The following RIMS1 variants were observed in gnomAD, a reference collection of about 807,000 sequenced individuals.
RIMS1 encodes regulating synaptic membrane exocytosis protein 1.
In RIMS1, 83 loss-of-function variants were observed where a neutral mutation model predicts 214.1. The observed-to-expected ratio is 0.39, with a 90% confidence interval of 0.32 to 0.47. The LOEUF is 0.47. RIMS1 is among the 20% of genes least tolerant of loss of function. RIMS1 has a pLI of 0.99. For missense variants in RIMS1, 2,050 were observed against 2,161.8 expected, an observed-to-expected ratio of 0.95 and a Z score of 1.03; for synonymous variants, 793 against 786.8, an observed-to-expected ratio of 1.01 and a Z score of -0.13.
intron 6 of RIMS1, among the ~76,000 whole-genome samples, chr6:72,220,394 C>A (rs556801547): frequency 1.3e-5 from 2 of 152,044 alleles, no homozygotes; most frequent in African/African-American, 4.8e-5. Flanking sequence ...GTGTGTGGAT[C>A]CCCTAAATGT....
intron 2 of RIMS1, among the ~76,000 whole-genome samples, chr6:72,005,789 C>T (rs1292590624): frequency 1.3e-5 from 2 of 152,160 alleles, no homozygotes; most frequent in East Asian, 3.9e-4. Context: ...TTTGATCTCT[C>T]CTGACATGGG....
At chr6:72,243,915 A>G (rs2068143718) in intron 10 of RIMS1, among the ~76,000 whole-genome samples, 1 of 151,544 alleles carries the variant, frequency 6.6e-6, no homozygotes, top group Non-Finnish European at 1.5e-5. Context: ...GGTAGTATCA[A>G]CTTTCTTTCT....
intron 2 of RIMS1, among the ~76,000 whole-genome samples, chr6:72,006,952 T>C (rs1243956412): frequency 1.3e-5 from 2 of 152,222 alleles, no homozygotes; most frequent in Non-Finnish European, 2.9e-5. Flanking sequence ...TAAATGTCCC[T>C]GTCTGACAGC....
At chr6:72,292,269 G>C (rs774808830) in intron 26 of RIMS1, among the ~76,000 whole-genome samples, 1 of 151,938 alleles carries the variant, frequency 6.6e-6, no homozygotes, top group Admixed American at 6.6e-5. Flanking sequence ...AATTTTAGAT[G>C]GTCATTTAAC....
chr6:71,930,313 A>G (rs1782673944), intron 1 of RIMS1, among the ~76,000 whole-genome samples: 1 of 152,066 alleles, frequency 6.6e-6, no homozygotes, highest in Non-Finnish European at 1.5e-5. Context: ...TTCCATCTTA[A>G]TTTATTTTAG....
At chr6:72,026,465 C>CG (rs1816544312) in intron 2 of RIMS1, among the ~76,000 whole-genome samples, 1 of 115,504 alleles carries the variant, frequency 8.7e-6, no homozygotes, top group Non-Finnish European at 1.9e-5. Context: ...GCCCCCCCCC[C>CG]CAACTTTTTT....
At chr6:72,074,763 A>G (rs918600665) in intron 2 of RIMS1, among the ~76,000 whole-genome samples, 6 of 152,146 alleles carry the variant, frequency 3.9e-5, no homozygotes, top group African/African-American at 1.4e-4. Context: ...AAGTATGTGT[A>G]TTGTTTCTGC....
At chr6:72,036,212 T>G (rs1311860346) in intron 2 of RIMS1, among the ~76,000 whole-genome samples, 1 of 152,150 alleles carries the variant, frequency 6.6e-6, no homozygotes, top group African/African-American at 2.4e-5. Context: ...GACCTATTAC[T>G]TGTTGTTCTT....
intron 2 of RIMS1, among the ~76,000 whole-genome samples, chr6:72,087,536 A>G (rs1834973219): frequency 6.6e-6 from 1 of 152,178 alleles, no homozygotes. Flanking sequence ...CTAAAGGTTG[A>G]CTAACTTTAT....
intron 1 of RIMS1, among the ~76,000 whole-genome samples, chr6:71,897,606 A>G (rs141135557): frequency 4.1e-4 from 63 of 152,294 alleles, no homozygotes; most frequent in Middle Eastern, 6.8e-3. Context: ...CTTATCTGGT[A>G]TATCTTCCCA....
rs1451102633 is a variant in RIMS1, at chr6:72,390,710, C to T, written c.4479C>T (p.Ser1493=). 6.2e-7 allele frequency: 1 copy of T among 1,613,758 alleles called. No individual in the cohort carries two copies. Among genetic ancestry groups the T allele is most frequent in the Non-Finnish European group, 8.5e-7 (1 of 1,179,800 alleles). The change falls in exon 30 of 34, where the codon AGC becomes AGT. Residue 1493 remains serine (S), a synonymous_variant. Transcript: ENST00000521978. ...CGAGCCGAGAGTCTACTGATGGCAGCATCAACAGTTACAGCTCTGAGGGCA... is the reference window on the plus strand; with the variant it reads ...CGAGCCGAGAGTCTACTGATGGCAGTATCAACAGTTACAGCTCTGAGGGCA... The part of the protein sequence containing the change: ...RQPSRESTDG[S]INSYSSEGNL...
intron 4 of RIMS1, among the ~76,000 whole-genome samples, chr6:72,151,244 GTGTTAGCCAGGATGGTCTCGATC>G (rs1485950779): frequency 6.6e-6 from 1 of 151,814 alleles, no homozygotes; most frequent in African/African-American, 2.4e-5. Context: ...GGGTTTCACC[GTGTTAGCCAGGATGGTCTCGATC>G]TCCTGACCTC....
At chr6:72,088,412 C>A (rs1390618156) in intron 2 of RIMS1, among the ~76,000 whole-genome samples, 1 of 151,818 alleles carries the variant, frequency 6.6e-6, no homozygotes, top group Non-Finnish European at 1.5e-5. Flanking sequence ...CCACACCCAG[C>A]TAATTTTTTG....
At chr6:72,288,392 C>G (rs1165924169) in intron 24 of RIMS1, among the ~76,000 whole-genome samples, 1 of 152,106 alleles carries the variant, frequency 6.6e-6, no homozygotes, top group African/African-American at 2.4e-5. Flanking sequence ...ACTTTCAGTT[C>G]TTGGCATGAA....
At chr6:72,231,758 C>G (rs2062046325) in intron 6 of RIMS1, among the ~76,000 whole-genome samples, 1 of 151,672 alleles carries the variant, frequency 6.6e-6, no homozygotes, top group Non-Finnish European at 1.5e-5. Context: ...GAATCTTACC[C>G]AGAAACATCA....
chr6:72,294,126 C>A (rs930792426), intron 26 of RIMS1, among the ~76,000 whole-genome samples: 1 of 151,476 alleles, frequency 6.6e-6, no homozygotes, highest in African/African-American at 2.4e-5. Flanking sequence ...AATGATTATA[C>A]CGTCTGCCAT....
chr6:72,154,565 C>G (rs2044192759), intron 4 of RIMS1, among the ~76,000 whole-genome samples: 1 of 140,792 alleles, frequency 7.1e-6, no homozygotes, highest in South Asian at 2.3e-4. Flanking sequence ...AGAGACTAGA[C>G]TCTTTCTATT....
intron 29 of RIMS1, among the ~76,000 whole-genome samples, chr6:72,358,159 G>C (rs1333598523): frequency 6.7e-6 from 1 of 148,590 alleles, no homozygotes; most frequent in Non-Finnish European, 1.5e-5. Flanking sequence ...AGTAAGTAAA[G>C]AACAGAAAGA....
intron 2 of RIMS1, among the ~76,000 whole-genome samples, chr6:72,012,938 A>G (rs1352071743): frequency 6.6e-6 from 1 of 152,182 alleles, no homozygotes; most frequent in Admixed American, 6.6e-5. Flanking sequence ...TTGGTCTTAG[A>G]GCATGTTTTG....
Sources: allele counts gnomAD v4.1 joint callset (sites outside exome capture counted in the v4.1 genomes callset), GRCh38; gene constraint gnomAD v4.1.1; transcripts MANE v1.5; gene names NCBI Gene and HGNC (gene_info 2026-07-23, HGNC 2026-07-21).